GRAMD4: variants seen among roughly 807,000 people sequenced by gnomAD.
The protein encoded by GRAMD4 is GRAM domain-containing protein 4.
A neutral mutation model predicts 83.9 loss-of-function variants in GRAMD4; 25 were observed. The observed-to-expected ratio is 0.30, with a 90% confidence interval of 0.22 to 0.42. The LOEUF is 0.42. GRAMD4 is among the 10% of genes least tolerant of loss of function. The pLI, the probability that GRAMD4 is intolerant of heterozygous loss-of-function variation, is 1.00. For missense variants in GRAMD4, 593 were observed against 788.7 expected (o/e 0.75, Z 2.97); for synonymous variants, 336 against 320.9 (o/e 1.05, Z -0.50).
rs753502660 is a variant in GRAMD4 at position 46,668,786 on chromosome 22, C to G, written c.975-13C>G. 4.3e-6 allele frequency: 6 copies of G among 1,406,768 alleles called. No homozygotes were observed. The highest frequency in any genetic ancestry group is 3.7e-5 in the Admixed American group (2 of 53,640). 87.1% of individuals were successfully genotyped at this position (1,406,768 alleles called of 1,614,324 possible). A position where few individuals can be genotyped will look rare whatever the true frequency, so the allele number is the denominator to read the frequency against. On this transcript the variant is annotated splice_polypyrimidine_tract_variant and intron_variant, in intron 12 of 18. Coordinates refer to ENST00000406902, the MANE Select transcript of GRAMD4 (RefSeq NM_015124.5). ...CGGCGCCCGCCCGGCCTGAGCCTCC[C>G]GTCTCCTTCCAGCTTGTTCATGTGG...
In GRAMD4 at chr22:46,652,934, C is replaced by T. The variant is rs190964834; in HGVS notation, c.284-5253C>T. On this transcript the variant is annotated intron_variant, in intron 3 of 18. Coordinates refer to ENST00000406902, the MANE Select transcript of GRAMD4 (RefSeq NM_015124.5). ...CACACTGCAGTTGACCTGAATGTGT[C>T]GCTGGTGGGCAGGAGGCAGGCCGGT... Among the ~76,000 whole-genome samples the T allele has an allele frequency of 4.7e-4, 71 of 152,272 alleles. 1 individual carries two copies. Among genetic ancestry groups the T allele is most frequent in the African/African-American group, 1.6e-3 (65 of 41,562 alleles).
intron 13 of GRAMD4, among the ~76,000 whole-genome samples, chr22:46,671,838 A>G (rs1444843399): frequency 6.6e-6 from 1 of 152,260 alleles, no homozygotes; most frequent in African/African-American, 2.4e-5. Context: ...TGTCTCAAAA[A>G]AAAGAATCAA....
chr22:46,682,414 AATC>A (rs2082675242), downstream of GRAMD4: 4 of 985,044 alleles, frequency 4.1e-6, no homozygotes, highest in African/African-American at 1.7e-5. Flanking sequence ...TTCACAGGTA[AATC>A]ATCATCATAG....
chr22:46,678,187 G>A lies in GRAMD4; in HGVS notation c.*936G>A. On this transcript the variant is annotated 3_prime_UTR_variant, in exon 19 of 19. Coordinates refer to ENST00000406902, the MANE Select transcript of GRAMD4 (RefSeq NM_015124.5). ...CAGGCTGCGGTTGCCTGGGTTGGTT[G>A]GGGGAGGAAGTGGGGAGGAGTGTTC... 2 of 985,382 alleles carry A rather than the reference G, an allele frequency of 2.0e-6. No individual in the cohort carries two copies. Among genetic ancestry groups the A allele is most frequent in the Non-Finnish European group, 2.4e-6 (2 of 829,838 alleles). 61.0% of individuals were successfully genotyped at this position (985,382 alleles called of 1,614,324 possible).
chr22:46,674,863 G>A, intron 16 of GRAMD4, 113 bp downstream of exon 16: 1 of 767,822 alleles, frequency 1.3e-6, no homozygotes, highest in Admixed American at 1.9e-5. Context: ...TGGTGGCCAT[G>A]GCCTCTCCCA....
intron 3 of GRAMD4, among the ~76,000 whole-genome samples, chr22:46,642,905 A>G (rs1316717869): frequency 6.6e-6 from 1 of 151,350 alleles, no homozygotes; most frequent in East Asian, 1.9e-4. Flanking sequence ...CCATCCATCC[A>G]TCTATTTATC....
chr22:46,619,496 G>A (rs1036470106), upstream of GRAMD4, among the ~76,000 whole-genome samples: 5 of 152,162 alleles, frequency 3.3e-5, no homozygotes, highest in African/African-American at 9.7e-5. Context: ...GTACCACCAC[G>A]CTGGCTCATG....
At chr22:46,618,877 C>T (rs544464557), upstream of GRAMD4, among the ~76,000 whole-genome samples, 5 of 152,310 alleles carry the variant, frequency 3.3e-5, no homozygotes, top group East Asian at 3.9e-4. The surrounding 1 kb of genome is among the most constrained non-coding windows in gnomAD (Gnocchi z 5.8). Context: ...CTGGTGGACA[C>T]GGTGCCATCC....
At chr22:46,669,787 T>C (rs6008949) in intron 13 of GRAMD4, among the ~76,000 whole-genome samples, 85,385 of 151,730 alleles carry the variant, frequency 0.56, 25,217 homozygotes, top group African/African-American at 0.74. Context: ...CCTTATTGGC[T>C]AGGCTGGTCT....
At chr22:46,588,786 G>C (rs367981551) in intron 1 of GRAMD4, among the ~76,000 whole-genome samples, 1 of 151,602 alleles carries the variant, frequency 6.6e-6, no homozygotes, top group South Asian at 2.1e-4. Context: ...TGACACTGGC[G>C]TCGGTCCGGG....
chr22:46,638,399 T>C (rs898858044), intron 3 of GRAMD4, among the ~76,000 whole-genome samples: 3 of 152,210 alleles, frequency 2.0e-5, no homozygotes, highest in African/African-American at 7.2e-5. Context: ...TTGGTTTGTG[T>C]CTCCAGGAGG....
At chr22:46,597,671 A>G (rs1436637833) in intron 1 of GRAMD4, among the ~76,000 whole-genome samples, 1 of 151,714 alleles carries the variant, frequency 6.6e-6, no homozygotes, top group African/African-American at 2.4e-5. Flanking sequence ...TTGTATTTTT[A>G]GTAGAGACGG....
At chr22:46,583,586 G>C (rs1038014200) in intron 1 of GRAMD4, among the ~76,000 whole-genome samples, 3 of 152,194 alleles carry the variant, frequency 2.0e-5, no homozygotes, top group African/African-American at 7.2e-5. Context: ...TGTATTGTGG[G>C]ATCTCCATCC....
chr22:46,620,237 A>T (rs1345379578), upstream of GRAMD4: 1 of 874,498 alleles, frequency 1.1e-6, no homozygotes, highest in African/African-American at 1.8e-5. This position sits in a 1 kb window ranked among gnomAD's most constrained non-coding sequence, Gnocchi z 4.7. Context: ...CGGTTTCCAG[A>T]GCAGCATGCT....
In GRAMD4 at chr22:46,624,447, G is replaced by A. The variant is rs1487183765; in HGVS notation, c.-49-2304G>A. 2.8e-5 allele frequency among the ~76,000 whole-genome samples: 4 copies of A among 144,218 alleles called. No individual in the cohort carries two copies. The East Asian group carries it at 9.1e-4, about 33-fold the overall frequency. The allele number at this position is 144,218 out of a possible 152,430, so 94.6% of individuals were successfully genotyped here. On this transcript the variant is annotated intron_variant, in intron 1 of 18. Transcript: ENST00000406902. ...GGGTTCAAGCAATTCCTCTGCCTCC[G>A]TCTCCTGAGTAGCTGGGACTACAGG...
chr22:46,609,882 C>T (rs144715069), intron 1 of GRAMD4, among the ~76,000 whole-genome samples: 152 of 152,298 alleles, frequency 1.0e-3, no homozygotes, highest in African/African-American at 3.5e-3. Context: ...ACCTGAGGGG[C>T]GGCCCGGCTG....
intron 2 of GRAMD4, 126 bp from the exon 3 acceptor site, chr22:46,637,714 C>G: frequency 2.2e-6 from 2 of 930,140 alleles, no homozygotes; most frequent in South Asian, 1.7e-5. Context: ...GAAACTGCAG[C>G]TGCTGGTCCC....
At position 46,678,300 on chromosome 22, in the gene GRAMD4, C is replaced by T. The variant is rs532226365; in HGVS notation, c.*1049C>T. The T allele has an allele frequency of 1.9e-4, 186 of 985,478 alleles. No individual in the cohort carries two copies. The highest frequency in any genetic ancestry group is 1.4e-3 in the African/African-American group (78 of 57,364). The allele number at this position is 985,478 out of a possible 1,614,324, so 61.0% of individuals were successfully genotyped here. ...TGTGCTTTAGGGAGCAACCGTGAGC[C>T]GAGCCCAGAGGCCTGGGCCTGCACT... On this transcript the variant is annotated 3_prime_UTR_variant, in exon 19 of 19. Coordinates refer to ENST00000406902, the MANE Select transcript of GRAMD4 (RefSeq NM_015124.5).
At chr22:46,669,214 G>T (rs1281784158) in intron 13 of GRAMD4, among the ~76,000 whole-genome samples, 1 of 152,236 alleles carries the variant, frequency 6.6e-6, no homozygotes, top group Non-Finnish European at 1.5e-5. Context: ...ATTGCCCTGG[G>T]CAGGACATGC....
Sources: allele counts gnomAD v4.1 joint callset (sites outside exome capture counted in the v4.1 genomes callset), GRCh38; gene constraint gnomAD v4.1.1; non-coding constraint Gnocchi (gnomAD v3.1); transcripts MANE v1.5; gene names NCBI Gene and HGNC (gene_info 2026-07-23, HGNC 2026-07-21).